FOCAD: variants seen among roughly 807,000 people sequenced by gnomAD.
The protein encoded by FOCAD is focadhesin, also known as KIAA1797.
A neutral mutation model predicts 225.6 loss-of-function variants in FOCAD; 198 were observed. The ratio of observed to expected loss-of-function variants is 0.88; its 90% CI spans 0.78 to 0.99. The LOEUF (loss-of-function observed/expected upper bound fraction) is 0.99. Among genes scored for constraint, FOCAD ranks in the 50% least tolerant of loss-of-function variants. The pLI is 0.00. For synonymous variants in FOCAD, 897 were observed against 755.0 expected (o/e 1.19, Z -3.08); for missense variants, 2,713 against 2,123.6 (o/e 1.28, Z -5.46).
intron 18 of FOCAD, among the ~76,000 whole-genome samples, chr9:20,868,689 T>C (rs1337723455): frequency 6.6e-6 from 1 of 152,126 alleles, no homozygotes; most frequent in Non-Finnish European, 1.5e-5. Context: ...CGTATCCTTT[T>C]GTAGCTATGC....
At chr9:20,857,585 C>G (rs962304042) in intron 15 of FOCAD, among the ~76,000 whole-genome samples, 28 of 151,558 alleles carry the variant, frequency 1.8e-4, no homozygotes, top group African/African-American at 6.8e-4. Context: ...CCCTTTCTTT[C>G]TTTTGCTTGA....
At chr9:20,763,843 A>G (rs898372230) in intron 6 of FOCAD, among the ~76,000 whole-genome samples, 1 of 152,156 alleles carries the variant, frequency 6.6e-6, no homozygotes, top group Admixed American at 6.5e-5. Context: ...TTTATTTTTG[A>G]TGATCATTCC....
intron 19 of FOCAD, chr9:20,875,637 G>A (rs995309743): frequency 2.0e-5 from 3 of 151,826 alleles, no homozygotes; most frequent in African/African-American, 7.3e-5. Flanking sequence ...CTTATATGTG[G>A]TAATTATTCT....
intron 25 of FOCAD, among the ~76,000 whole-genome samples, chr9:20,925,494 T>TA (rs1834852957): frequency 6.6e-6 from 1 of 152,224 alleles, no homozygotes; most frequent in African/African-American, 2.4e-5. Context: ...CTTTGGCTGT[T>TA]ACTCAATGCA....
chr9:20,802,644 T>C (rs1821972089), intron 11 of FOCAD, among the ~76,000 whole-genome samples: 1 of 152,166 alleles, frequency 6.6e-6, no homozygotes, highest in African/African-American at 2.4e-5. Context: ...TTGTCATATG[T>C]TATTCAGACT....
At chr9:20,814,910 T>A (rs892773721) in intron 11 of FOCAD, among the ~76,000 whole-genome samples, 1 of 152,068 alleles carries the variant, frequency 6.6e-6, no homozygotes, top group East Asian at 1.9e-4. Context: ...ATACCAGAAT[T>A]AAAAGTGATT....
chr9:20,963,278 T>C (rs1838931508), intron 35 of FOCAD, among the ~76,000 whole-genome samples: 1 of 152,220 alleles, frequency 6.6e-6, no homozygotes, highest in Admixed American at 6.5e-5. Flanking sequence ...TGCATGTATA[T>C]TAGGTCAATT....
chr9:20,932,152 C>T (rs903007808), intron 27 of FOCAD, among the ~76,000 whole-genome samples: 3 of 152,074 alleles, frequency 2.0e-5, no homozygotes, highest in Non-Finnish European at 4.4e-5. Flanking sequence ...TTAGTTAAAG[C>T]TATTAAGTCT....
chr9:20,803,529 G>A (rs925820395), intron 11 of FOCAD, among the ~76,000 whole-genome samples: 27 of 152,138 alleles, frequency 1.8e-4, no homozygotes, highest in African/African-American at 6.3e-4. Context: ...AGATGTGTTA[G>A]TGTTCCCTTT....
intron 15 of FOCAD, among the ~76,000 whole-genome samples, chr9:20,861,558 T>G (rs1405312929): frequency 6.6e-6 from 1 of 152,194 alleles, no homozygotes; most frequent in Non-Finnish European, 1.5e-5. Context: ...AATCCAAGTT[T>G]TCTCAGAAAT....
chr9:20,729,483 C>G (rs1826490168), intron 4 of FOCAD, among the ~76,000 whole-genome samples: 1 of 152,174 alleles, frequency 6.6e-6, no homozygotes, highest in Non-Finnish European at 1.5e-5. Context: ...ATTATATCTA[C>G]AAAGACCCTA....
At chr9:20,925,403 C>T (rs1033645866) in intron 25 of FOCAD, among the ~76,000 whole-genome samples, 2 of 152,176 alleles carry the variant, frequency 1.3e-5, no homozygotes, top group Non-Finnish European at 1.5e-5. Context: ...ACTTTCTCCT[C>T]CACCCCAACA....
intron 35 of FOCAD, among the ~76,000 whole-genome samples, chr9:20,966,186 C>T (rs990003488): frequency 1.3e-5 from 2 of 152,058 alleles, no homozygotes; most frequent in African/African-American, 2.4e-5. Context: ...TCCACGTTCT[C>T]GCCAACACTT....
chr9:20,740,735 G>A (rs1827544769), intron 5 of FOCAD, among the ~76,000 whole-genome samples: 1 of 152,164 alleles, frequency 6.6e-6, no homozygotes, highest in Admixed American at 6.5e-5. Flanking sequence ...AAAGCAATAG[G>A]AGACTGCTAT....
chr9:20,674,051 G>A lies in FOCAD; in HGVS notation c.-78+15225G>A, dbSNP rs183231099. On this transcript the variant is annotated intron_variant, in intron 2 of 45. Transcript: ENST00000380249. ...AAGAAGCGAGGCACTGGGTCTATCT[G>A]TAGTGGTATGTTGCAGTCAGTTTGT... is the stretch of plus-strand genomic sequence containing the variant. Among the ~76,000 whole-genome samples the A allele has an allele frequency of 2.8e-3, 430 of 152,302 alleles. 6 individuals carry two copies. Among genetic ancestry groups the A allele is most frequent in the Admixed American group, 5.5e-3 (84 of 15,298 alleles).
chr9:20,719,044 A>T (rs1825567302), intron 3 of FOCAD, among the ~76,000 whole-genome samples: 1 of 152,160 alleles, frequency 6.6e-6, no homozygotes, highest in Non-Finnish European at 1.5e-5. Flanking sequence ...ATTCTTAGCC[A>T]GCTACAGAGG....
intron 21 of FOCAD, among the ~76,000 whole-genome samples, chr9:20,894,139 T>A (rs1223664319): frequency 1.3e-5 from 2 of 152,114 alleles, no homozygotes; most frequent in East Asian, 3.9e-4. Context: ...GTATATAGAT[T>A]TTTCAGACTG....
chr9:20,671,691 C>T (rs1822068189), intron 2 of FOCAD, among the ~76,000 whole-genome samples: 1 of 152,126 alleles, frequency 6.6e-6, no homozygotes, highest in Non-Finnish European at 1.5e-5. Flanking sequence ...GATGCTGGGG[C>T]AAATGATTAT....
chr9:20,976,027 C>T (rs1455234737), intron 35 of FOCAD, among the ~76,000 whole-genome samples: 2 of 151,980 alleles, frequency 1.3e-5, no homozygotes, highest in African/African-American at 4.8e-5. Flanking sequence ...CTATAGTTAA[C>T]AGTAATTGTT....
Sources: allele counts gnomAD v4.1 joint callset (sites outside exome capture counted in the v4.1 genomes callset), GRCh38; gene constraint gnomAD v4.1.1; transcripts MANE v1.5; gene names NCBI Gene and HGNC (gene_info 2026-07-23, HGNC 2026-07-21).